Variants in RSPH6A observed in about 807,000 individuals in gnomAD.
RSPH6A encodes radial spoke head protein 6 homolog A.
A neutral mutation model predicts 66.1 loss-of-function variants in RSPH6A; 49 were observed. That is an observed-to-expected ratio of 0.74 (90% CI 0.59 to 0.94). The LOEUF (loss-of-function observed/expected upper bound fraction) is 0.94. Among genes scored for constraint, RSPH6A ranks in the 40% least tolerant of loss-of-function variants. The probability of loss-of-function intolerance (pLI) is 0.00; values close to 1 mark genes in which losing one functional copy is unlikely to be tolerated. For missense variants in RSPH6A, 977 were observed against 948.3 expected (o/e 1.03, Z -0.40); for synonymous variants, 419 against 402.4 (o/e 1.04, Z -0.49).
chr19:45,800,419 G>A, intron 5 of RSPH6A, 27 bp downstream of exon 5: 2 of 1,593,842 alleles, frequency 1.3e-6, no homozygotes, highest in South Asian at 1.1e-5. Flanking sequence ...AGATTCTCCT[G>A]CTGGGAGGGG....
chr19:45,804,200 C>G lies in RSPH6A; in HGVS notation c.1653+52G>C. ...TTGATGTCAGTATTGCAGGGTCATG[C>G]GTGAGCCCCCTGCTCCTGCCGTTTG... is the stretch of plus-strand genomic sequence containing the variant. On this transcript the variant is annotated intron_variant, in intron 3 of 5. Transcript: ENST00000221538. This position sits in a 1 kb window ranked among gnomAD's most constrained non-coding sequence, Gnocchi z 5.8. 1.4e-6 allele frequency: 2 copies of G among 1,446,948 alleles called. No individual in the cohort carries two copies. The highest frequency in any genetic ancestry group is 1.9e-6 in the Non-Finnish European group (2 of 1,053,434). The allele number at this position is 1,446,948 out of a possible 1,614,324, so 89.6% of individuals were successfully genotyped here. A position where few individuals can be genotyped will look rare whatever the true frequency, so the allele number is the denominator to read the frequency against.
chr19:45,802,375 C>A (rs1970484807), intron 3 of RSPH6A, 111 bp from the exon 4 acceptor site: 2 of 1,024,584 alleles, frequency 2.0e-6, no homozygotes, highest in Non-Finnish European at 1.3e-6. Flanking sequence ...GAGACCCAGG[C>A]ACAGGCAAGA....
intron 1 of RSPH6A, among the ~76,000 whole-genome samples, chr19:45,811,724 C>A (rs1970630330): frequency 6.8e-6 from 1 of 146,230 alleles, no homozygotes; most frequent in African/African-American, 2.5e-5. Flanking sequence ...GCGTGAGCCA[C>A]CGCACCTGGC....
chr19:45,812,697 T>A (rs947638433), intron 1 of RSPH6A, among the ~76,000 whole-genome samples: 1 of 151,940 alleles, frequency 6.6e-6, no homozygotes, highest in African/African-American at 2.4e-5. Flanking sequence ...TAAGGCCTTT[T>A]GTTTGTTGGT....
chr19:45,810,125 A>G (rs1298088928), intron 2 of RSPH6A, among the ~76,000 whole-genome samples: 2 of 152,210 alleles, frequency 1.3e-5, no homozygotes, highest in Non-Finnish European at 2.9e-5. Flanking sequence ...CCCGGCCAAC[A>G]TAGCAAGACC....
chr19:45,809,984 G>A (rs1600478924), intron 2 of RSPH6A, among the ~76,000 whole-genome samples: 1 of 152,250 alleles, frequency 6.6e-6, no homozygotes, highest in East Asian at 1.9e-4. Flanking sequence ...AAAGCCCCCA[G>A]TTTTGCCCTT....
chr19:45,809,376 C>T (rs1214882531), intron 2 of RSPH6A, among the ~76,000 whole-genome samples: 1 of 148,964 alleles, frequency 6.7e-6, no homozygotes, highest in African/African-American at 2.5e-5. Flanking sequence ...GCGACCTCCC[C>T]TCACTGCAAT....
At position 45,810,609 on chromosome 19, in the gene RSPH6A, C is replaced by T. The variant is rs774064682; in HGVS notation, c.882G>A (p.Glu294=). ...TCCTGACTGGCTCACTCACCACCTC[C>T]TCCTCCATCTCCTGTTCGCCTTCAG... ...GGTEGEQEME[E]EVGETPVPNI... The change falls in exon 2 of 6, where the codon GAG becomes GAA. Residue 294 remains glutamate, a synonymous_variant. Coordinates refer to ENST00000221538, the MANE Select transcript of RSPH6A (RefSeq NM_030785.4). 3 of 1,614,024 alleles carry T rather than the reference C, an allele frequency of 1.9e-6. No individual in the cohort carries two copies.
chr19:45,797,148 G>A (rs994480859), intron 5 of RSPH6A, among the ~76,000 whole-genome samples: 15 of 151,128 alleles, frequency 9.9e-5, no homozygotes, highest in Non-Finnish European at 1.5e-4. Flanking sequence ...AGGCCGAGGC[G>A]GGCGGATCAC....
chr19:45,800,622 A>C (rs1970459303), intron 4 of RSPH6A, 59 bp from the exon 5 acceptor site: 1 of 1,417,064 alleles, frequency 7.1e-7, no homozygotes, highest in Non-Finnish European at 9.7e-7. Flanking sequence ...CAGGCCCTGC[A>C]CTGCACCCTG....
intron 2 of RSPH6A, among the ~76,000 whole-genome samples, chr19:45,805,945 A>C (rs1548029): frequency 0.33 from 49,849 of 152,078 alleles, 8,322 homozygotes; most frequent in Non-Finnish European, 0.35. Context: ...AACACATGGG[A>C]GACAAAGTAC....
chr19:45,811,384 T>C (rs1970625841), intron 1 of RSPH6A, among the ~76,000 whole-genome samples: 1 of 150,902 alleles, frequency 6.6e-6, no homozygotes, highest in African/African-American at 2.4e-5. Context: ...GTGACACATA[T>C]AGTACTGAAT....
At chr19:45,796,804 T>G (rs1410152164) in intron 5 of RSPH6A, among the ~76,000 whole-genome samples, 1 of 151,782 alleles carries the variant, frequency 6.6e-6, no homozygotes, top group African/African-American at 2.4e-5. Flanking sequence ...TGAGCCACCA[T>G]GCCTGGCCTA....
Position 45,804,258 on chromosome 19 carries a change from C to T in RSPH6A, c.1647G>A (p.Leu549=). 1.2e-6 allele frequency: 2 copies of T among 1,601,092 alleles called. No individual in the cohort carries two copies. The highest frequency in any genetic ancestry group is 2.2e-5 in the South Asian group (2 of 90,586). Residue 549 remains leucine, a synonymous_variant, in exon 3 of 6, where the codon CTG becomes CTA. Transcript: ENST00000221538. The surrounding 1 kb of genome is among the most constrained non-coding windows in gnomAD (Gnocchi z 5.8). ...ANWVHHTQHI[L]PQGRCTWVNP... is the part of the protein sequence containing the mutation. ...CGGGAGTCCCGGCGCTCACCTGCGG[C>T]AGGATGTGCTGTGTGTGATGCACCC...
At chr19:45,805,227 T>C (rs1034679197) in intron 2 of RSPH6A, among the ~76,000 whole-genome samples, 1 of 151,816 alleles carries the variant, frequency 6.6e-6, no homozygotes, top group African/African-American at 2.4e-5. Flanking sequence ...TGAAACTCTG[T>C]CTCTACTAAA....
intron 4 of RSPH6A, among the ~76,000 whole-genome samples, chr19:45,801,770 CAAT>C (rs747872039): frequency 2.8e-4 from 42 of 150,454 alleles, no homozygotes; most frequent in Admixed American, 1.7e-3. Flanking sequence ...AAAACAACAA[CAAT>C]GACAACAACA....
At chr19:45,807,871 C>T (rs1354215538) in intron 2 of RSPH6A, among the ~76,000 whole-genome samples, 1 of 152,182 alleles carries the variant, frequency 6.6e-6, no homozygotes, top group African/African-American at 2.4e-5. Context: ...TGTTTAGGGA[C>T]AGCTAGGGAG....
At chr19:45,800,642 A>G (rs997102278) in intron 4 of RSPH6A, 79 bp from the exon 5 acceptor site, 2 of 1,253,576 alleles carry the variant, frequency 1.6e-6, no homozygotes, top group African/African-American at 1.5e-5. Context: ...GAAGGAAGGA[A>G]GGCAGCAGTG....
At chr19:45,807,584 C>G (rs1970563850) in intron 2 of RSPH6A, among the ~76,000 whole-genome samples, 1 of 152,160 alleles carries the variant, frequency 6.6e-6, no homozygotes, top group African/African-American at 2.4e-5. Flanking sequence ...AATCTCGGCT[C>G]ACTGCAACCT....
Sources: gnomAD v4.1 joint callset for allele counts (sites outside exome capture counted in the v4.1 genomes callset) on GRCh38, gnomAD v4.1.1 for gene constraint, Gnocchi (gnomAD v3.1) non-coding constraint, MANE v1.5 for transcripts, NCBI Gene and HGNC (gene_info 2026-07-23, HGNC 2026-07-21) for gene names.